ANO2: variants seen among roughly 807,000 people sequenced by gnomAD.
The protein encoded by ANO2 is anoctamin 2.
ANO2 carries 101 observed loss-of-function variants against 124.2 expected under a neutral mutation model. The ratio of observed to expected loss-of-function variants is 0.81; its 90% CI spans 0.69 to 0.96. The LOEUF (loss-of-function observed/expected upper bound fraction) is 0.96, where lower values mean the gene tolerates loss of function less well. Among genes scored for constraint, ANO2 ranks in the 40% least tolerant of loss-of-function variants. The pLI is 0.00. For missense variants in ANO2, 1,293 were observed against 1,274.5 expected, an observed-to-expected ratio of 1.01 and a Z score of -0.22; for synonymous variants, 486 against 482.5, an observed-to-expected ratio of 1.01 and a Z score of -0.09.
At chr12:5,754,486 T>C (rs1227999890) in intron 10 of ANO2, among the ~76,000 whole-genome samples, 2 of 152,286 alleles carry the variant, frequency 1.3e-5, no homozygotes, top group Middle Eastern at 3.4e-3. Flanking sequence ...TTAAGAAGTA[T>C]TGGTATTAAT....
Position 5,718,270 on chromosome 12 carries a change from G to T in ANO2, c.1545+14250C>A, listed in dbSNP as rs182900719. Among the ~76,000 whole-genome samples, 57 of 152,320 alleles carry T rather than the reference G, an allele frequency of 3.7e-4. 1 individual carries two copies. In the East Asian group the frequency reaches 0.011, roughly 29 times the overall value. On this transcript the variant is annotated intron_variant, in intron 14 of 24. Coordinates refer to ENST00000682330, the MANE Select transcript of ANO2 (RefSeq NM_001364791.2). ...TAAGTAAGGGGGAAACTGCCAAAGGGCATCTTTTAGATGTGGTGCCTCCTC... is the reference window on the plus strand; with the variant it reads ...TAAGTAAGGGGGAAACTGCCAAAGGTCATCTTTTAGATGTGGTGCCTCCTC...
At chr12:5,767,733 T>TC (rs1036148714) in intron 10 of ANO2, among the ~76,000 whole-genome samples, 10 of 151,990 alleles carry the variant, frequency 6.6e-5, no homozygotes, top group South Asian at 2.1e-4. Context: ...CATGGGCCCT[T>TC]CCCCCCCATC....
chr12:5,713,659 C>T (rs933421986), intron 14 of ANO2, among the ~76,000 whole-genome samples: 1 of 152,186 alleles, frequency 6.6e-6, no homozygotes, highest in Non-Finnish European at 1.5e-5. Context: ...ACGGTGGGCT[C>T]TGGGGAACTG....
intron 4 of ANO2, among the ~76,000 whole-genome samples, chr12:5,844,737 T>C (rs1190879073): frequency 6.6e-6 from 1 of 152,176 alleles, no homozygotes; most frequent in African/African-American, 2.4e-5. Flanking sequence ...TAGGATGGAA[T>C]TCCCCAGAGT....
intron 14 of ANO2, among the ~76,000 whole-genome samples, chr12:5,680,953 G>A (rs10774361): frequency 0.5 from 76,252 of 151,882 alleles, 21,094 homozygotes; most frequent in Middle Eastern, 0.62. Context: ...CTGTTGTACA[G>A]GGAAGAGCAG....
intron 10 of ANO2, among the ~76,000 whole-genome samples, chr12:5,765,927 T>C (rs1951876628): frequency 6.6e-6 from 1 of 151,982 alleles, no homozygotes; most frequent in African/African-American, 2.4e-5. Flanking sequence ...AAAAACAACA[T>C]CCAAGTAATC....
intron 20 of ANO2, among the ~76,000 whole-genome samples, chr12:5,593,405 G>C (rs1430930395): frequency 2.6e-5 from 4 of 152,220 alleles, no homozygotes; most frequent in Admixed American, 6.5e-5. Flanking sequence ...TGAGAGTCCA[G>C]ACTTGTCAAT....
Position 5,922,635 on chromosome 12 carries a change from G to A in ANO2, c.192C>T (p.Ser64=). The change falls in exon 2 of 25, where the codon AGC becomes AGT. Residue 64 remains serine, a synonymous_variant. Coordinates refer to ENST00000682330, the MANE Select transcript of ANO2 (RefSeq NM_001364791.2). ...CAGTACTCACAGAGCTGCTGCGGGT[G>A]CTCTCTCCACCGCAGGGCTGGCCAG... The part of the protein sequence containing the change: ...RDPGQPCGGE[S]TRSSSVINNY... The A allele has an allele frequency of 1.9e-6, 3 of 1,543,416 alleles. No individual in the cohort carries two copies. Among genetic ancestry groups the A allele is most frequent in the Non-Finnish European group, 1.7e-6 (2 of 1,147,046 alleles).
At chr12:5,597,422 C>T (rs915551651) in intron 20 of ANO2, among the ~76,000 whole-genome samples, 2 of 152,338 alleles carry the variant, frequency 1.3e-5, no homozygotes, top group Middle Eastern at 6.8e-3. Context: ...CTTCAAAGAA[C>T]ACGAACTCAT....
rs1403968823 is a variant in ANO2 at position 5,922,722 on chromosome 12, C to T, written c.105G>A (p.Gln35=). The T allele has an allele frequency of 1.2e-6, 2 of 1,600,694 alleles. No individual in the cohort carries two copies. The highest frequency in any genetic ancestry group is 1.7e-6 in the Non-Finnish European group (2 of 1,174,910). Residue 35 remains glutamine (Q), a synonymous_variant, in exon 2 of 25, where the codon CAG becomes CAA. Transcript: ENST00000682330. ...GGGGACCTGGCATCTTGAGACACTG[C>T]TGTCCATGTTTGGGGCCCTGGCCCC... ...SRGGQGPKHG[Q]QCLKMPGPRA... is the part of the protein sequence containing the mutation.
intron 19 of ANO2, among the ~76,000 whole-genome samples, chr12:5,607,342 G>A (rs1032591196): frequency 1.3e-5 from 2 of 151,976 alleles, no homozygotes; most frequent in African/African-American, 2.4e-5. Context: ...TTTTTCCTCC[G>A]ATGTCCACAT....
At chr12:5,920,125 A>C (rs1302944596) in intron 3 of ANO2, among the ~76,000 whole-genome samples, 1 of 152,044 alleles carries the variant, frequency 6.6e-6, no homozygotes, top group Admixed American at 6.5e-5. Flanking sequence ...GGGTGGATGA[A>C]TGGATGGATA....
intron 20 of ANO2, among the ~76,000 whole-genome samples, chr12:5,595,619 C>T (rs1943620461): frequency 6.6e-6 from 1 of 152,166 alleles, no homozygotes; most frequent in Admixed American, 6.5e-5. Context: ...AGAGTCACTC[C>T]TTGACTGGGT....
At chr12:5,604,679 CCACAAAT>C (rs1467005193) in intron 19 of ANO2, among the ~76,000 whole-genome samples, 1 of 152,000 alleles carries the variant, frequency 6.6e-6, no homozygotes, top group African/African-American at 2.4e-5. Flanking sequence ...GGGAAAATAT[CCACAAAT>C]AGTCCTGTGA....
At chr12:5,600,139 C>T (rs1245172473) in intron 19 of ANO2, among the ~76,000 whole-genome samples, 1 of 152,142 alleles carries the variant, frequency 6.6e-6, no homozygotes, top group Non-Finnish European at 1.5e-5. Context: ...AAGCTCTAAT[C>T]CCCAATGTGA....
At chr12:5,855,270 G>A (rs1231706086) in intron 3 of ANO2, among the ~76,000 whole-genome samples, 1 of 152,250 alleles carries the variant, frequency 6.6e-6, no homozygotes, top group Non-Finnish European at 1.5e-5. Flanking sequence ...CTGGCAGAGA[G>A]ATAGATGGCA....
intron 10 of ANO2, among the ~76,000 whole-genome samples, chr12:5,776,986 C>T (rs1020011392): frequency 5.3e-5 from 8 of 152,188 alleles, no homozygotes; most frequent in Non-Finnish European, 8.8e-5. Flanking sequence ...GGAAGGGTCA[C>T]GAACCCTCCA....
At chr12:5,791,682 T>C (rs1322246665) in intron 10 of ANO2, among the ~76,000 whole-genome samples, 1 of 152,236 alleles carries the variant, frequency 6.6e-6, no homozygotes, top group Non-Finnish European at 1.5e-5. Flanking sequence ...GGGAAGCCTT[T>C]ACTTCACTGA....
intron 14 of ANO2, among the ~76,000 whole-genome samples, chr12:5,718,784 C>T (rs1169872239): frequency 6.6e-6 from 1 of 152,168 alleles, no homozygotes; most frequent in Admixed American, 6.5e-5. Flanking sequence ...CTTCCCTCTC[C>T]TCTCTCTATG....
Sources: allele counts gnomAD v4.1 joint callset (sites outside exome capture counted in the v4.1 genomes callset), GRCh38; gene constraint gnomAD v4.1.1; transcripts MANE v1.5; gene names NCBI Gene and HGNC (gene_info 2026-07-23, HGNC 2026-07-21).